The following KIRREL3 variants were observed in gnomAD, a reference collection of about 807,000 sequenced individuals.
KIRREL3 encodes the protein kin of IRRE-like protein 3.
In KIRREL3, 36 loss-of-function variants were observed where a neutral mutation model predicts 89.7. That is an observed-to-expected ratio of 0.40 (90% CI 0.31 to 0.53). The LOEUF (loss-of-function observed/expected upper bound fraction) is 0.53, where lower values mean the gene tolerates loss of function less well. Ranked by LOEUF, KIRREL3 falls within the 20% of genes least tolerant of loss-of-function variation. The pLI, the probability that KIRREL3 is intolerant of heterozygous loss-of-function variation, is 0.49. For synonymous variants in KIRREL3, 445 were observed against 441.4 expected, an observed-to-expected ratio of 1.01 and a Z score of -0.10; for missense variants, 864 against 1,056.6, an observed-to-expected ratio of 0.82 and a Z score of 2.53.
At chr11:126,926,505 C>T (rs2135026965) in intron 1 of KIRREL3, among the ~76,000 whole-genome samples, 1 of 152,302 alleles carries the variant, frequency 6.6e-6, no homozygotes, top group Admixed American at 6.5e-5. Flanking sequence ...AGGAAGGCTT[C>T]TCAGAGGAGC....
At chr11:126,824,017 G>A (rs1321168015) in intron 1 of KIRREL3, among the ~76,000 whole-genome samples, 1 of 152,182 alleles carries the variant, frequency 6.6e-6, no homozygotes. Context: ...GCTGATTAAA[G>A]CTGAAACACC....
At chr11:126,757,693 G>A (rs967677387) in intron 1 of KIRREL3, among the ~76,000 whole-genome samples, 1 of 151,954 alleles carries the variant, frequency 6.6e-6, no homozygotes, top group Non-Finnish European at 1.5e-5. Flanking sequence ...GAGTGTCTAT[G>A]TGCAGAATAC....
Position 126,901,082 on chromosome 11 carries a change from C to T in KIRREL3, c.55+99373G>A, listed in dbSNP as rs192803924. On this transcript the variant is annotated intron_variant, in intron 1 of 16. Transcript: ENST00000525144. ...TACAAAAATTAACTGTGCATGGTGGCGCACACCTGTAACCCCAGCTACTCA... is the reference window on the plus strand; with the variant it reads ...TACAAAAATTAACTGTGCATGGTGGTGCACACCTGTAACCCCAGCTACTCA... Among the ~76,000 whole-genome samples the T allele has an allele frequency of 1.2e-4, 19 of 152,038 alleles. No individual in the cohort carries two copies. In the East Asian group the frequency reaches 1.7e-3, roughly 14 times the overall value.
At chr11:126,659,106 G>C (rs4935982) in intron 1 of KIRREL3, among the ~76,000 whole-genome samples, 66,335 of 152,086 alleles carry the variant, frequency 0.44, 14,738 homozygotes, top group Admixed American at 0.5. Flanking sequence ...TACAGAAAAT[G>C]ATACATTTTC....
intron 1 of KIRREL3, among the ~76,000 whole-genome samples, chr11:126,841,424 G>A (rs1943958396): frequency 6.6e-6 from 1 of 152,170 alleles, no homozygotes; most frequent in Non-Finnish European, 1.5e-5. Flanking sequence ...ACAATGCCAG[G>A]CATGTAGAAG....
rs1478409818 is a variant in KIRREL3, at chr11:126,571,917, G to C, written c.56-9005C>G. 1.3e-5 allele frequency among the ~76,000 whole-genome samples: 2 copies of C among 152,214 alleles called. No individual in the cohort carries two copies. On this transcript the variant is annotated intron_variant, in intron 1 of 16. Transcript: ENST00000525144. The surrounding 1 kb of genome is among the most constrained non-coding windows in gnomAD (Gnocchi z 7.7). ...GGAACAGAGAAATAGGATCATGAAG[G>C]CCATTCCTGTCCTCCAGTCTGTCTT... is the stretch of plus-strand genomic sequence containing the variant.
At chr11:126,835,727 T>A (rs1015456642) in intron 1 of KIRREL3, among the ~76,000 whole-genome samples, 1 of 152,192 alleles carries the variant, frequency 6.6e-6, no homozygotes, top group Non-Finnish European at 1.5e-5. Flanking sequence ...AAGAATATAA[T>A]CCCCTAAAGA....
chr11:126,741,978 A>G (rs1949002341), intron 1 of KIRREL3, among the ~76,000 whole-genome samples: 1 of 152,200 alleles, frequency 6.6e-6, no homozygotes, highest in African/African-American at 2.4e-5. Context: ...GCATTTCACT[A>G]GCAGAGAATG....
chr11:126,457,197 GTGTGTGTGTGTGTATGTGTA>G (rs1305728729), intron 6 of KIRREL3, among the ~76,000 whole-genome samples: 2 of 151,250 alleles, frequency 1.3e-5, no homozygotes, highest in South Asian at 4.2e-4. Context: ...GTGTGTGTGT[GTGTGTGTGTGTGTATGTGTA>G]TGTGTGTGTA....
rs1204323767 is a variant in KIRREL3, at chr11:126,987,051, A to G, written c.55+13404T>C. 6.6e-6 allele frequency among the ~76,000 whole-genome samples: 1 copy of G among 152,194 alleles called. No homozygotes were observed. The highest frequency in any genetic ancestry group is 1.5e-5 in the Non-Finnish European group (1 of 68,034). ...GGTCCAAAAATGGGGATTTCTAACAATCTCCAAGTTGACCTGCAGACCACA... is the reference window on the plus strand; with the variant it reads ...GGTCCAAAAATGGGGATTTCTAACAGTCTCCAAGTTGACCTGCAGACCACA... On this transcript the variant is annotated intron_variant, in intron 1 of 16. Transcript: ENST00000525144. The surrounding 1 kb of genome is among the most constrained non-coding windows in gnomAD (Gnocchi z 4.6).
At chr11:126,634,311 T>C (rs994058062) in intron 1 of KIRREL3, among the ~76,000 whole-genome samples, 9 of 152,246 alleles carry the variant, frequency 5.9e-5, no homozygotes, top group African/African-American at 2.2e-4. Flanking sequence ...GCACTTTCCA[T>C]GCATTCATGC....
intron 1 of KIRREL3, among the ~76,000 whole-genome samples, chr11:126,727,247 C>A (rs1253802408): frequency 6.6e-6 from 1 of 152,236 alleles, no homozygotes; most frequent in African/African-American, 2.4e-5. Context: ...GGCCGGCTGG[C>A]CACTCTCCCT....
chr11:126,448,900 C>T (rs577017991), intron 8 of KIRREL3, 109 bp downstream of exon 8: 9 of 1,169,228 alleles, frequency 7.7e-6, no homozygotes, highest in East Asian at 5.1e-5. Flanking sequence ...ACGCTCATGA[C>T]GCATGAAGCT....
Position 126,569,178 on chromosome 11 carries a change from A to G in KIRREL3, c.56-6266T>C, listed in dbSNP as rs1351087071. ...GGACAAAGAGACATGTCTGTATCAG[A>G]GTAGGGTGATGACAAAGGAAGCCTA... On this transcript the variant is annotated intron_variant, in intron 1 of 16. Transcript: ENST00000525144. This position sits in a 1 kb window ranked among gnomAD's most constrained non-coding sequence, Gnocchi z 6.5. Among the ~76,000 whole-genome samples, 1 of 152,144 alleles carries G rather than the reference A, an allele frequency of 6.6e-6. No homozygotes were observed. The highest frequency in any genetic ancestry group is 1.5e-5 in the Non-Finnish European group (1 of 68,026).
chr11:126,786,220 A>C (rs546390268), intron 1 of KIRREL3, among the ~76,000 whole-genome samples: 1 of 152,312 alleles, frequency 6.6e-6, no homozygotes, highest in Non-Finnish European at 1.5e-5. Context: ...TAAATGAAAA[A>C]AGGGGAAGAT....
intron 1 of KIRREL3, among the ~76,000 whole-genome samples, chr11:126,600,342 G>C (rs925749930): frequency 6.6e-6 from 1 of 152,244 alleles, no homozygotes; most frequent in African/African-American, 2.4e-5. Context: ...CCTTGAAGCA[G>C]AGGGCCCATC....
At chr11:126,644,675 G>A (rs1944597026) in intron 1 of KIRREL3, among the ~76,000 whole-genome samples, 1 of 152,196 alleles carries the variant, frequency 6.6e-6, no homozygotes, top group African/African-American at 2.4e-5. Context: ...TGGTACAGTG[G>A]ATGGAAATAT....
rs1216085793 is a variant in KIRREL3, at chr11:126,940,658, A to G, written c.55+59797T>C. 1 of 152,184 alleles carries G rather than the reference A, an allele frequency of 6.6e-6. No individual in the cohort carries two copies. The highest frequency in any genetic ancestry group is 1.5e-5 in the Non-Finnish European group (1 of 68,046). 9.4% of individuals were successfully genotyped at this position (152,184 alleles called of 1,614,324 possible). On this transcript the variant is annotated intron_variant, in intron 1 of 16. Transcript: ENST00000525144. This position sits in a 1 kb window ranked among gnomAD's most constrained non-coding sequence, Gnocchi z 4.6. ...CCATTCATTTTTACATTCTAAGGCCATGTTCTTAGTATTGAACTTGACCAC... is the reference window on the plus strand; with the variant it reads ...CCATTCATTTTTACATTCTAAGGCCGTGTTCTTAGTATTGAACTTGACCAC...
Position 126,867,489 on chromosome 11 carries a change from A to C in KIRREL3, c.55+132966T>G, listed in dbSNP as rs779424614. Reference sequence around the variant, plus strand: ...CACTCCATCTGTTACTCTTTCTGTAACTCAGCCAGCCCTTTCTGATAAGTC... The same window carrying C: ...CACTCCATCTGTTACTCTTTCTGTACCTCAGCCAGCCCTTTCTGATAAGTC... On this transcript the variant is annotated intron_variant, in intron 1 of 16. Transcript: ENST00000525144. This position sits in a 1 kb window ranked among gnomAD's most constrained non-coding sequence, Gnocchi z 4.7. Among the ~76,000 whole-genome samples, 11 of 152,142 alleles carry C rather than the reference A, an allele frequency of 7.2e-5. No homozygotes were observed. Among genetic ancestry groups the C allele is most frequent in the Non-Finnish European group, 1.5e-4 (10 of 68,028 alleles).
Sources: gnomAD v4.1 joint callset for allele counts (sites outside exome capture counted in the v4.1 genomes callset) on GRCh38, gnomAD v4.1.1 for gene constraint, Gnocchi (gnomAD v3.1) non-coding constraint, MANE v1.5 for transcripts, NCBI Gene and HGNC (gene_info 2026-07-23, HGNC 2026-07-21) for gene names.